ERBB4: variants seen among roughly 807,000 people sequenced by gnomAD.
ERBB4 encodes receptor tyrosine-protein kinase erbB-4.
Under a neutral mutation model 158.0 loss-of-function variants are expected in ERBB4, and 42 were observed. That is an observed-to-expected ratio of 0.27 (90% CI 0.21 to 0.34). The LOEUF (loss-of-function observed/expected upper bound fraction) is 0.34. Among genes scored for constraint, ERBB4 ranks in the 10% least tolerant of loss-of-function variants. ERBB4 has a pLI of 1.00. For missense variants in ERBB4, 1,333 were observed against 1,624.1 expected, an observed-to-expected ratio of 0.82 and a Z score of 3.08; for synonymous variants, 583 against 558.7, an observed-to-expected ratio of 1.04 and a Z score of -0.61.
chr2:211,873,983 T>A (rs534027413), intron 3 of ERBB4, among the ~76,000 whole-genome samples: 2 of 152,118 alleles, frequency 1.3e-5, no homozygotes, highest in African/African-American at 4.8e-5. Flanking sequence ...ATTTTTAATA[T>A]ATCAAGTGAA....
intron 2 of ERBB4, among the ~76,000 whole-genome samples, chr2:212,041,574 T>C (rs1441826524): frequency 6.6e-6 from 1 of 150,914 alleles, no homozygotes; most frequent in Non-Finnish European, 1.5e-5. Flanking sequence ...ATAGTAGCAA[T>C]ATGGATCATA....
intron 2 of ERBB4, among the ~76,000 whole-genome samples, chr2:212,044,835 A>G (rs550117906): frequency 6.6e-6 from 1 of 152,210 alleles, no homozygotes; most frequent in East Asian, 1.9e-4. Context: ...AAGCTGAAAA[A>G]ATATTTTCTT....
intron 1 of ERBB4, among the ~76,000 whole-genome samples, chr2:212,363,416 A>G (rs1388546233): frequency 1.3e-5 from 2 of 151,516 alleles, no homozygotes. Flanking sequence ...AGATAGATTT[A>G]TTCATTGAAA....
chr2:211,621,276 T>A (rs1398805108), intron 18 of ERBB4, among the ~76,000 whole-genome samples: 1 of 152,114 alleles, frequency 6.6e-6, no homozygotes, highest in Non-Finnish European at 1.5e-5. Flanking sequence ...AATTTTACTA[T>A]CTGATACACA....
At chr2:212,282,758 C>T (rs1461629689) in intron 1 of ERBB4, among the ~76,000 whole-genome samples, 1 of 151,804 alleles carries the variant, frequency 6.6e-6, no homozygotes, top group Non-Finnish European at 1.5e-5. Context: ...TAAGTGGCTC[C>T]CCCAGGTGAC....
chr2:211,612,555 T>G (rs970523526), intron 19 of ERBB4, among the ~76,000 whole-genome samples: 1 of 151,902 alleles, frequency 6.6e-6, no homozygotes, highest in South Asian at 2.1e-4. Context: ...GATTGGAAGA[T>G]GAAAACTCCA....
At chr2:212,386,875 T>C (rs750753092) in intron 1 of ERBB4, among the ~76,000 whole-genome samples, 1 of 152,104 alleles carries the variant, frequency 6.6e-6, no homozygotes, top group Non-Finnish European at 1.5e-5. Context: ...TCTCTGATTA[T>C]CTTCTTACTG....
At chr2:211,906,336 G>A (rs1001894322) in intron 3 of ERBB4, among the ~76,000 whole-genome samples, 2 of 151,996 alleles carry the variant, frequency 1.3e-5, no homozygotes, top group African/African-American at 2.4e-5. Flanking sequence ...AATTCTAGAC[G>A]ACCTGAAGAT....
intron 17 of ERBB4, among the ~76,000 whole-genome samples, chr2:211,625,041 G>A (rs1156645927): frequency 6.6e-6 from 1 of 151,688 alleles, no homozygotes; most frequent in Non-Finnish European, 1.5e-5. Context: ...GGGCAAGTAT[G>A]TGCATGCGTG....
At chr2:211,593,280 A>T (rs2068532655) in intron 19 of ERBB4, among the ~76,000 whole-genome samples, 1 of 152,220 alleles carries the variant, frequency 6.6e-6, no homozygotes, top group Non-Finnish European at 1.5e-5. Context: ...TGAAGCCAAG[A>T]GAATATTTAT....
intron 20 of ERBB4, among the ~76,000 whole-genome samples, chr2:211,522,000 A>G (rs1474031312): frequency 1.3e-5 from 2 of 152,146 alleles, no homozygotes; most frequent in Admixed American, 6.5e-5. Context: ...TACAAGAAGA[A>G]CATTGTTTTT....
At chr2:211,408,595 A>G (rs1420156543) in intron 25 of ERBB4, among the ~76,000 whole-genome samples, 1 of 152,220 alleles carries the variant, frequency 6.6e-6, no homozygotes, top group African/African-American at 2.4e-5. Flanking sequence ...TTAGTGTTGT[A>G]GAAACATGTT....
chr2:212,099,520 A>G (rs1233907564), intron 2 of ERBB4, among the ~76,000 whole-genome samples: 1 of 152,174 alleles, frequency 6.6e-6, no homozygotes, highest in Non-Finnish European at 1.5e-5. Context: ...TTTTACTTTG[A>G]TGGCCTTAAT....
intron 3 of ERBB4, among the ~76,000 whole-genome samples, chr2:211,830,931 T>C (rs919998075): frequency 6.6e-6 from 1 of 152,052 alleles, no homozygotes. Flanking sequence ...CTAATACTGA[T>C]GGTCATATAT....
At chr2:212,343,945 T>A (rs765620675) in intron 1 of ERBB4, among the ~76,000 whole-genome samples, 1 of 152,184 alleles carries the variant, frequency 6.6e-6, no homozygotes, top group Non-Finnish European at 1.5e-5. Context: ...ATGATTCCAA[T>A]GCAATTTTTT....
intron 1 of ERBB4, among the ~76,000 whole-genome samples, chr2:212,446,390 G>A (rs1233022660): frequency 6.6e-6 from 1 of 150,776 alleles, no homozygotes; most frequent in Non-Finnish European, 1.5e-5. Flanking sequence ...GCAGAAAAAC[G>A]TGAAAAGGAG....
At chr2:212,054,077 C>T (rs923866608) in intron 2 of ERBB4, among the ~76,000 whole-genome samples, 5 of 152,138 alleles carry the variant, frequency 3.3e-5, no homozygotes, top group Admixed American at 6.5e-5. Flanking sequence ...TCCCCTCCTC[C>T]TCTTGCCCCA....
In ERBB4 at chr2:211,703,228, G is replaced by C. The variant is rs377439171; in HGVS notation, c.1289+876C>G. Among the ~76,000 whole-genome samples the C allele has an allele frequency of 2.0e-4, 30 of 152,190 alleles. No homozygotes were observed. In the East Asian group the frequency reaches 4.8e-3, roughly 25 times the overall value. On this transcript the variant is annotated intron_variant, in intron 11 of 27. Transcript: ENST00000342788. ...ACTATCTTGAGTTGTTGATTACAATGTTAGCACAATGTCTTGACTGGCTTA... is the reference window on the plus strand; with the variant it reads ...ACTATCTTGAGTTGTTGATTACAATCTTAGCACAATGTCTTGACTGGCTTA...
At chr2:211,670,928 A>G (rs6752616) in intron 14 of ERBB4, among the ~76,000 whole-genome samples, 19,130 of 152,166 alleles carry the variant, frequency 0.13, 1,512 homozygotes, top group Non-Finnish European at 0.17. Context: ...CAGTTGTTGA[A>G]GTCTCTCCTT....
Sources: allele counts gnomAD v4.1 joint callset (sites outside exome capture counted in the v4.1 genomes callset), GRCh38; gene constraint gnomAD v4.1.1; transcripts MANE v1.5; gene names NCBI Gene and HGNC (gene_info 2026-07-23, HGNC 2026-07-21).